Variants in CCND3 observed in about 807,000 individuals in gnomAD.
CCND3 encodes cyclin D3.
In CCND3, 9 loss-of-function variants were observed where a neutral mutation model predicts 28.7. The ratio of observed to expected loss-of-function variants is 0.31; its 90% CI spans 0.19 to 0.55. The LOEUF is 0.55. CCND3 is among the 20% of genes least tolerant of loss of function. The pLI is 0.93. For synonymous variants in CCND3, 164 were observed against 163.9 expected (o/e 1.00, Z 0.00); for missense variants, 315 against 385.8 (o/e 0.82, Z 1.54).
chr6:42,028,827 T>C (rs1395076277), intron 1 of CCND3, among the ~76,000 whole-genome samples: 1 of 152,220 alleles, frequency 6.6e-6, no homozygotes, highest in Non-Finnish European at 1.5e-5. Flanking sequence ...GCACAATGTC[T>C]GGCACACAGC....
Position 42,048,485 on chromosome 6 carries a change from C to G in CCND3, c.-46+16G>C. On this transcript the variant is annotated intron_variant, in intron 1 of 4. Transcript: ENST00000372988. This position sits in a 1 kb window ranked among gnomAD's most constrained non-coding sequence, Gnocchi z 4.7. ...GACATCCCATCTACCCCGGTTTCTC[C>G]AGCACCCAAGCCTACCTCCTCGTCA... is the stretch of plus-strand genomic sequence containing the variant. 1 of 506,120 alleles carries G rather than the reference C, an allele frequency of 2.0e-6. No individual in the cohort carries two copies. The highest frequency in any genetic ancestry group is 1.9e-5 in the African/African-American group (1 of 51,714). 31.4% of individuals were successfully genotyped at this position (506,120 alleles called of 1,614,324 possible). A position where few individuals can be genotyped will look rare whatever the true frequency, so the allele number is the denominator to read the frequency against.
intron 1 of CCND3, among the ~76,000 whole-genome samples, chr6:42,047,708 G>A (rs1221838616): frequency 6.6e-6 from 1 of 152,120 alleles, no homozygotes; most frequent in Non-Finnish European, 1.5e-5. Flanking sequence ...AATTGTTTCT[G>A]GGTCGCCCCT....
intron 1 of CCND3, among the ~76,000 whole-genome samples, chr6:41,991,994 C>A (rs1017828406): frequency 6.6e-6 from 1 of 152,118 alleles, no homozygotes; most frequent in Non-Finnish European, 1.5e-5. Context: ...CATTCATCAG[C>A]TGTTGGACAC....
At chr6:42,025,277 G>A (rs530993122) in intron 1 of CCND3, among the ~76,000 whole-genome samples, 1 of 152,302 alleles carries the variant, frequency 6.6e-6, no homozygotes, top group South Asian at 2.1e-4. Flanking sequence ...GAGGGGCCCA[G>A]GAAGCCAAGC....
At chr6:41,973,175 AAC>A (rs1484680265) in intron 1 of CCND3, among the ~76,000 whole-genome samples, 1 of 152,150 alleles carries the variant, frequency 6.6e-6, no homozygotes, top group Non-Finnish European at 1.5e-5. Context: ...CCTGGGGTAA[AAC>A]ACAGTCTGTT....
intron 1 of CCND3, chr6:42,010,894 G>A (rs1056354230): frequency 1.4e-5 from 2 of 147,594 alleles, no homozygotes; most frequent in Admixed American, 6.8e-5. Context: ...TTTCTAAATA[G>A]ACTGTTTTTT....
At chr6:42,017,659 T>C (rs1205918881) in intron 1 of CCND3, among the ~76,000 whole-genome samples, 1 of 152,164 alleles carries the variant, frequency 6.6e-6, no homozygotes. Context: ...TTGTGTCTCA[T>C]GGACCTAGCC....
chr6:41,957,566 G>A (rs11968166), intron 1 of CCND3, among the ~76,000 whole-genome samples: 27,756 of 152,164 alleles, frequency 0.18, 3,001 homozygotes, highest in East Asian at 0.39. Context: ...TTAAGGGCAC[G>A]CATCCACTTA....
chr6:41,940,269 T>G, intron 2 of CCND3, 101 bp downstream of exon 2: 1 of 1,058,776 alleles, frequency 9.4e-7, no homozygotes. Context: ...TCCCCTTGCT[T>G]CCTCTCCAGG....
intron 1 of CCND3, among the ~76,000 whole-genome samples, chr6:41,961,949 G>A (rs1329588243): frequency 2.0e-5 from 3 of 152,114 alleles, no homozygotes; most frequent in Non-Finnish European, 4.4e-5. Context: ...CCTGTAAGCA[G>A]GACCTGTCAT....
At chr6:41,974,019 C>A (rs1390209651) in intron 1 of CCND3, among the ~76,000 whole-genome samples, 1 of 152,146 alleles carries the variant, frequency 6.6e-6, no homozygotes, top group Non-Finnish European at 1.5e-5. Context: ...CCCATCTCTA[C>A]TAAAAATTCC....
chr6:41,936,531 GGCTGC>G lies in CCND3; in HGVS notation c.711+23_711+27del. On this transcript the variant is annotated intron_variant, in intron 4 of 4. Transcript: ENST00000372991. The surrounding 1 kb of genome is among the most constrained non-coding windows in gnomAD (Gnocchi z 4.4). ...CATAGCACTACTTTATGAATGGAGA[GGCTGC>G]TGCCCAGCTACCCAGCACTCACCAC... The G allele has an allele frequency of 6.2e-7, 1 of 1,612,570 alleles. No homozygotes were observed. The highest frequency in any genetic ancestry group is 1.1e-5 in the South Asian group (1 of 90,930).
intron 1 of CCND3, among the ~76,000 whole-genome samples, chr6:42,021,779 A>C (rs1763720353): frequency 1.3e-5 from 2 of 152,206 alleles, no homozygotes; most frequent in South Asian, 4.1e-4. Context: ...AGGGTTATAA[A>C]GATTCACTGT....
chr6:42,035,028 TG>T (rs1413732605), intron 1 of CCND3, among the ~76,000 whole-genome samples: 2 of 152,200 alleles, frequency 1.3e-5, no homozygotes, highest in Non-Finnish European at 2.9e-5. Flanking sequence ...TAAATGGTAA[TG>T]GCCATCTTTT....
intron 1 of CCND3, among the ~76,000 whole-genome samples, chr6:42,040,487 C>T (rs1345543472): frequency 2.0e-5 from 3 of 152,124 alleles, no homozygotes; most frequent in Admixed American, 2.0e-4. Context: ...AGCCACCAGG[C>T]TCTCAATACA....
chr6:41,978,168 A>C (rs1401671283), intron 1 of CCND3, among the ~76,000 whole-genome samples: 2 of 151,668 alleles, frequency 1.3e-5, no homozygotes, highest in Admixed American at 1.3e-4. Flanking sequence ...AGGTCAGGAG[A>C]TCGAGACCAT....
intron 1 of CCND3, among the ~76,000 whole-genome samples, chr6:42,001,271 A>C (rs1408213648): frequency 7.1e-6 from 1 of 141,652 alleles, no homozygotes; most frequent in Non-Finnish European, 1.5e-5. Context: ...GTACCTCCCC[A>C]GAAGAAATGA....
intron 1 of CCND3, among the ~76,000 whole-genome samples, chr6:42,014,611 A>G (rs1763445710): frequency 6.6e-6 from 1 of 152,130 alleles, no homozygotes; most frequent in Admixed American, 6.6e-5. Context: ...TTACAGGAAA[A>G]TAGTTGTCTA....
At chr6:41,966,493 G>A (rs1016071737) in intron 1 of CCND3, among the ~76,000 whole-genome samples, 1 of 152,114 alleles carries the variant, frequency 6.6e-6, no homozygotes, top group African/African-American at 2.4e-5. Context: ...ATGGAGCCCA[G>A]GTTCTATATG....
Sources: gnomAD v4.1 joint callset for allele counts (sites outside exome capture counted in the v4.1 genomes callset) on GRCh38, gnomAD v4.1.1 for gene constraint, Gnocchi (gnomAD v3.1) non-coding constraint, MANE v1.5 for transcripts, NCBI Gene and HGNC (gene_info 2026-07-23, HGNC 2026-07-21) for gene names.